The following LINGO2 variants were observed in gnomAD, a reference collection of about 807,000 sequenced individuals.
LINGO2 encodes leucine-rich repeat and immunoglobulin-like domain-containing nogo receptor-interacting protein 2.
A neutral mutation model predicts 30.6 loss-of-function variants in LINGO2; 14 were observed. That is an observed-to-expected ratio of 0.46 (90% CI 0.30 to 0.72). The LOEUF (loss-of-function observed/expected upper bound fraction) is 0.72. LINGO2 is among the 30% of genes least tolerant of loss of function. LINGO2 has a pLI of 0.07. For missense variants in LINGO2, 729 were observed against 751.7 expected, an observed-to-expected ratio of 0.97 and a Z score of 0.35; for synonymous variants, 317 against 288.5, an observed-to-expected ratio of 1.10 and a Z score of -1.00.
intron 1 of LINGO2, among the ~76,000 whole-genome samples, chr9:28,592,423 T>C (rs1419700684): frequency 6.6e-6 from 1 of 152,082 alleles, no homozygotes; most frequent in Admixed American, 6.6e-5. Context: ...TCAAGTAATG[T>C]CCTAAGGATT....
chr9:28,949,987 T>C, the LINGO2 span, among the ~76,000 whole-genome samples: 1 of 151,474 alleles, frequency 6.6e-6, no homozygotes, highest in Non-Finnish European at 1.5e-5. Flanking sequence ...TCAATAAGCG[T>C]AATCCATCAG....
At chr9:28,702,081 C>T in the LINGO2 span, among the ~76,000 whole-genome samples, 1 of 151,754 alleles carries the variant, frequency 6.6e-6, no homozygotes, top group African/African-American at 2.4e-5. Context: ...AATAGTTTTA[C>T]TTCTTACTTC....
At chr9:28,310,825 G>A (rs1342770245) in intron 3 of LINGO2, among the ~76,000 whole-genome samples, 4 of 152,116 alleles carry the variant, frequency 2.6e-5, no homozygotes, top group African/African-American at 7.2e-5. Flanking sequence ...TCTATCTGTA[G>A]TAATTTATTA....
intron 4 of LINGO2, among the ~76,000 whole-genome samples, chr9:28,054,633 C>T (rs771202257): frequency 6.6e-6 from 1 of 152,086 alleles, no homozygotes; most frequent in Non-Finnish European, 1.5e-5. Context: ...TGAACAAAAA[C>T]AGAGCAGGCA....
chr9:28,339,293 G>C (rs1313992095), intron 3 of LINGO2, among the ~76,000 whole-genome samples: 1 of 151,944 alleles, frequency 6.6e-6, no homozygotes, highest in Admixed American at 6.6e-5. Context: ...TTAGAACTAG[G>C]CTGTGCTATT....
chr9:27,954,231 A>T (rs1819455409), intron 5 of LINGO2, among the ~76,000 whole-genome samples: 1 of 152,168 alleles, frequency 6.6e-6, no homozygotes, highest in Admixed American at 6.5e-5. Flanking sequence ...AGCCGTTTTG[A>T]AATACACAAT....
intron 5 of LINGO2, among the ~76,000 whole-genome samples, chr9:27,989,560 G>T (rs569723684): frequency 1.3e-5 from 2 of 151,976 alleles, no homozygotes; most frequent in South Asian, 4.1e-4. Flanking sequence ...ACTAGGGGAT[G>T]AAATGCTCAG....
At chr9:28,852,096 G>A in the LINGO2 span, among the ~76,000 whole-genome samples, 1 of 151,870 alleles carries the variant, frequency 6.6e-6, no homozygotes, top group African/African-American at 2.4e-5. Flanking sequence ...TTCCTCAAGA[G>A]CACAAAGCAG....
chr9:28,759,633 G>C, the LINGO2 span, among the ~76,000 whole-genome samples: 1 of 151,458 alleles, frequency 6.6e-6, no homozygotes, highest in African/African-American at 2.4e-5. Flanking sequence ...AGTGAGCCTA[G>C]ATCGCACCAC....
the LINGO2 span, among the ~76,000 whole-genome samples, chr9:29,007,264 G>A: frequency 6.6e-6 from 1 of 151,986 alleles, no homozygotes; most frequent in East Asian, 1.9e-4. Flanking sequence ...GTAAAATACA[G>A]AAGCCATCTG....
chr9:28,201,969 G>A (rs1820252370), intron 4 of LINGO2, among the ~76,000 whole-genome samples: 1 of 152,052 alleles, frequency 6.6e-6, no homozygotes, highest in African/African-American at 2.4e-5. Flanking sequence ...GTTCCTTCTG[G>A]GGGCTGTGTT....
Position 28,188,454 on chromosome 9 carries a change from A to G in LINGO2, c.-87+106754T>C, listed in dbSNP as rs554525737. On this transcript the variant is annotated intron_variant, in intron 4 of 5. Coordinates refer to ENST00000379992, the Ensembl canonical transcript of LINGO2. Reference sequence around the variant, plus strand: ...CTAAAGTTGAACCACCTGCACGGCAATTACAAAGATGACTGGGCCAGAGGG... The same window carrying G: ...CTAAAGTTGAACCACCTGCACGGCAGTTACAAAGATGACTGGGCCAGAGGG... Among the ~76,000 whole-genome samples the G allele has an allele frequency of 1.2e-3, 179 of 152,240 alleles. 1 individual carries two copies. Among genetic ancestry groups the G allele is most frequent in the Non-Finnish European group, 1.6e-3 (109 of 68,018 alleles).
intron 2 of LINGO2, among the ~76,000 whole-genome samples, chr9:28,442,456 A>G (rs1824237106): frequency 6.6e-6 from 1 of 152,182 alleles, no homozygotes; most frequent in Admixed American, 6.5e-5. Context: ...GTGTACAATT[A>G]TAATTTGTTA....
chr9:28,368,753 C>G (rs1180648032), intron 3 of LINGO2, among the ~76,000 whole-genome samples: 1 of 151,646 alleles, frequency 6.6e-6, no homozygotes, highest in Non-Finnish European at 1.5e-5. Context: ...CCCGCCACCA[C>G]GCCCGGCTAA....
chr9:28,262,702 G>T (rs1331796333), intron 4 of LINGO2, among the ~76,000 whole-genome samples: 1 of 145,982 alleles, frequency 6.9e-6, no homozygotes, highest in East Asian at 2.0e-4. Flanking sequence ...GTTTACATGT[G>T]AATGTTAAAA....
At chr9:28,738,790 A>G in the LINGO2 span, among the ~76,000 whole-genome samples, 2 of 152,198 alleles carry the variant, frequency 1.3e-5, no homozygotes, top group South Asian at 2.1e-4. Flanking sequence ...TGTAAAAGAC[A>G]GTTTGTCAAT....
At chr9:29,182,184 A>G in the LINGO2 span, among the ~76,000 whole-genome samples, 106 of 152,328 alleles carry the variant, frequency 7.0e-4, 2 homozygotes, top group African/African-American at 2.5e-3. Context: ...AATGGCAAGT[A>G]CCCACAACGC....
At chr9:28,555,947 C>G (rs541538050) in intron 1 of LINGO2, among the ~76,000 whole-genome samples, 9 of 152,098 alleles carry the variant, frequency 5.9e-5, no homozygotes, top group East Asian at 1.9e-4. Flanking sequence ...ATTCAACAGC[C>G]CTTCATGCTA....
At chr9:29,147,603 C>G in the LINGO2 span, among the ~76,000 whole-genome samples, 2 of 152,094 alleles carry the variant, frequency 1.3e-5, no homozygotes, top group Non-Finnish European at 2.9e-5. Flanking sequence ...CACAGTATAG[C>G]TTGATAGGAA....
Sources: allele counts gnomAD v4.1 joint callset (sites outside exome capture counted in the v4.1 genomes callset), GRCh38; gene constraint gnomAD v4.1.1; transcripts MANE v1.5; gene names NCBI Gene and HGNC (gene_info 2026-07-23, HGNC 2026-07-21).